The following CYTH1 variants were observed in gnomAD, a reference collection of about 807,000 sequenced individuals.
CYTH1 encodes the protein cytohesin-1.
In CYTH1, 18 loss-of-function variants were observed where a neutral mutation model predicts 61.8. The observed-to-expected ratio is 0.29, with a 90% CI of 0.20 to 0.43. The LOEUF (loss-of-function observed/expected upper bound fraction) is 0.43, where lower values mean the gene tolerates loss of function less well. CYTH1 is among the 20% of genes least tolerant of loss of function. The pLI, the probability that CYTH1 is intolerant of heterozygous loss-of-function variation, is 1.00. For synonymous variants in CYTH1, 174 were observed against 184.3 expected (o/e 0.94, Z 0.45); for missense variants, 336 against 510.5 (o/e 0.66, Z 3.29).
At chr17:78,776,531 C>T (rs576502714) in intron 1 of CYTH1, among the ~76,000 whole-genome samples, 20 of 151,898 alleles carry the variant, frequency 1.3e-4, no homozygotes, top group African/African-American at 2.2e-4. Flanking sequence ...TGGTAGCACA[C>T]GCCTGTTGTC....
chr17:78,727,853 C>T, intron 1 of CYTH1: 1 of 367,206 alleles, frequency 2.7e-6, no homozygotes, highest in Non-Finnish European at 5.6e-6. Context: ...AAGACGAGAC[C>T]TATGGCAGGG....
chr17:78,728,932 A>T (rs2093279781), intron 1 of CYTH1, among the ~76,000 whole-genome samples: 1 of 152,240 alleles, frequency 6.6e-6, no homozygotes, highest in African/African-American at 2.4e-5. Context: ...AAACCTGAAT[A>T]ATTCTAGAAT....
chr17:78,756,586 TGACACAGTGA>T (rs2093402149), intron 1 of CYTH1, among the ~76,000 whole-genome samples: 1 of 152,144 alleles, frequency 6.6e-6, no homozygotes, highest in Non-Finnish European at 1.5e-5. Context: ...GAGAACTGAG[TGACACAGTGA>T]GACCCCATCT....
At chr17:78,764,116 AAAAAC>A (rs1055905254) in intron 1 of CYTH1, among the ~76,000 whole-genome samples, 5 of 152,162 alleles carry the variant, frequency 3.3e-5, no homozygotes, top group African/African-American at 1.2e-4. Context: ...GTCTCAAAGA[AAAAAC>A]AAAACATAGA....
intron 11 of CYTH1, among the ~76,000 whole-genome samples, chr17:78,690,423 A>AAAAAAAAAAAAAAAAAAAAAAAAAAAG (rs2092870306): frequency 7.4e-6 from 1 of 134,240 alleles, no homozygotes; most frequent in Non-Finnish European, 1.6e-5. Flanking sequence ...AAAAAAAAAA[A>AAAAAAAAAAAAAAAAAAAAAAAAAAAG]AAAAAAAAGA....
At chr17:78,719,528 G>A (rs2093210750) in intron 1 of CYTH1, among the ~76,000 whole-genome samples, 1 of 152,176 alleles carries the variant, frequency 6.6e-6, no homozygotes, top group African/African-American at 2.4e-5. Flanking sequence ...CCCTCACTGA[G>A]AAAAGTAATT....
intron 5 of CYTH1, 41 bp downstream of exon 5, chr17:78,702,080 GA>G: frequency 6.7e-6 from 10 of 1,482,962 alleles, no homozygotes; most frequent in Non-Finnish European, 9.4e-6. Flanking sequence ...TGTCGTTCCT[GA>G]ACAGCCTTCC....
intron 9 of CYTH1, among the ~76,000 whole-genome samples, chr17:78,696,325 A>C (rs2092937961): frequency 6.6e-6 from 1 of 152,250 alleles, no homozygotes; most frequent in African/African-American, 2.4e-5. Context: ...AATGTTTACT[A>C]GTATATCCAG....
At chr17:78,692,775 CG>C (rs2092901724) in intron 10 of CYTH1, among the ~76,000 whole-genome samples, 1 of 151,854 alleles carries the variant, frequency 6.6e-6, no homozygotes, top group South Asian at 2.1e-4. Context: ...CGAGAAAACC[CG>C]GGGCAATAAT....
At chr17:78,724,047 T>C (rs565621658) in intron 1 of CYTH1, 2 of 152,326 alleles carry the variant, frequency 1.3e-5, no homozygotes, top group South Asian at 2.1e-4. Flanking sequence ...CAGCCACCAA[T>C]GGTTATTTCT....
intron 10 of CYTH1, among the ~76,000 whole-genome samples, 200 bp downstream of exon 10, chr17:78,695,804 ACTC>A (rs961586983): frequency 2.6e-5 from 4 of 152,162 alleles, no homozygotes; most frequent in African/African-American, 9.7e-5. Context: ...TATAACATAT[ACTC>A]CTCCAAAAAA....
intron 1 of CYTH1, among the ~76,000 whole-genome samples, chr17:78,712,669 A>AATG (rs1250232344): frequency 6.6e-6 from 1 of 151,870 alleles, no homozygotes; most frequent in African/African-American, 2.4e-5. Flanking sequence ...AAATAATAAT[A>AATG]ATAATAATAT....
In CYTH1 at chr17:78,726,193, G is replaced by A. The variant is rs1437268886; in HGVS notation, c.23-16461C>T. Among the ~76,000 whole-genome samples the A allele has an allele frequency of 2.0e-5, 3 of 151,966 alleles. No individual in the cohort carries two copies. The East Asian group carries it at 5.8e-4, about 29-fold the overall frequency. ...CTAGCAGCTGGGACTACAGGCACCC[G>A]CTACCACGCCTGGCTAATTTTTTTG... On this transcript the variant is annotated intron_variant, in intron 1 of 13. Transcript: ENST00000446868.
At chr17:78,735,692 C>T (rs531639474) in intron 1 of CYTH1, among the ~76,000 whole-genome samples, 4 of 152,306 alleles carry the variant, frequency 2.6e-5, no homozygotes, top group African/African-American at 7.2e-5. Context: ...TGGGAAAAGC[C>T]TAAAGAGGAC....
intron 1 of CYTH1, among the ~76,000 whole-genome samples, chr17:78,719,447 G>A (rs1598878502): frequency 6.6e-6 from 1 of 152,176 alleles, no homozygotes; most frequent in Admixed American, 6.5e-5. Context: ...AACAGTCGAG[G>A]AGTCAAAGAT....
chr17:78,704,251 G>C (rs552146836), intron 3 of CYTH1, among the ~76,000 whole-genome samples: 4 of 152,310 alleles, frequency 2.6e-5, no homozygotes, highest in Admixed American at 6.5e-5. Context: ...TGAGTAGCAA[G>C]GCCCTGGACC....
intron 1 of CYTH1, among the ~76,000 whole-genome samples, chr17:78,748,928 A>G (rs757184699): frequency 6.6e-6 from 1 of 152,198 alleles, no homozygotes; most frequent in Non-Finnish European, 1.5e-5. Flanking sequence ...CTCAGCTGAC[A>G]CAGAGCAAAC....
chr17:78,717,546 A>T lies in CYTH1; in HGVS notation c.23-7814T>A, dbSNP rs572199803. On this transcript the variant is annotated intron_variant, in intron 1 of 13. Transcript: ENST00000446868. This position sits in a 1 kb window ranked among gnomAD's most constrained non-coding sequence, Gnocchi z 4.4. ...AACAGTCGGCAGAAACCCAGAGCTGAAATGGGTTCCAGCCAGTGGCATACA... is the reference window on the plus strand; with the variant it reads ...AACAGTCGGCAGAAACCCAGAGCTGTAATGGGTTCCAGCCAGTGGCATACA... 6.6e-6 allele frequency among the ~76,000 whole-genome samples: 1 copy of T among 152,310 alleles called. No individual in the cohort carries two copies. The highest frequency in any genetic ancestry group is 1.9e-4 in the East Asian group (1 of 5,184).
At position 78,704,084 on chromosome 17, in the gene CYTH1, C is replaced by T. The variant is rs549904758; in HGVS notation, c.171-1480G>A. Among the ~76,000 whole-genome samples, 9 of 152,300 alleles carry T rather than the reference C, an allele frequency of 5.9e-5. No homozygotes were observed. The South Asian group carries it at 1.2e-3, about 21-fold the overall frequency. On this transcript the variant is annotated intron_variant, in intron 3 of 13. Coordinates refer to ENST00000446868, the MANE Select transcript of CYTH1 (RefSeq NM_004762.6). ...ACCAAGCTTCTCAAAGTCTGGTCCA[C>T]CAACCAGCAGCCTTGGGAGCATATC... is the stretch of plus-strand genomic sequence containing the variant.
Sources: gnomAD v4.1 joint callset for allele counts (sites outside exome capture counted in the v4.1 genomes callset) on GRCh38, gnomAD v4.1.1 for gene constraint, Gnocchi (gnomAD v3.1) non-coding constraint, MANE v1.5 for transcripts, NCBI Gene and HGNC (gene_info 2026-07-23, HGNC 2026-07-21) for gene names.